NLGN4X: variants seen among roughly 807,000 people sequenced by gnomAD.
NLGN4X encodes neuroligin-4, X-linked.
NLGN4X carries 3 observed loss-of-function variants against 40.3 expected under a neutral mutation model. The ratio of observed to expected loss-of-function variants is 0.07; its 90% CI spans 0.03 to 0.19. The LOEUF is 0.19. Ranked by LOEUF, NLGN4X falls within the 10% of genes least tolerant of loss-of-function variation. The probability of loss-of-function intolerance (pLI) is 1.00; values close to 1 mark genes in which losing one functional copy is unlikely to be tolerated. For missense variants in NLGN4X, 382 were observed against 708.3 expected (o/e 0.54, Z 5.23); for synonymous variants, 270 against 306.8 (o/e 0.88, Z 1.25).
At chrX:5,902,135 G>C (rs2031907002) in intron 5 of NLGN4X, among the ~76,000 whole-genome samples, 4 of 111,297 alleles carry the variant, frequency 3.6e-5, no homozygotes, top group African/African-American at 1.3e-4. Context: ...GCTCACACCT[G>C]TAATCTCAGC....
chrX:6,155,142 T>A (rs1458247475), intron 1 of NLGN4X, among the ~76,000 whole-genome samples: 2 of 109,701 alleles, frequency 1.8e-5, no homozygotes, highest in Non-Finnish European at 3.8e-5. Flanking sequence ...TAGATGCTTT[T>A]AAAAAAAAAT....
chrX:6,103,981 T>C (rs965449304), intron 2 of NLGN4X, among the ~76,000 whole-genome samples: 1 of 111,858 alleles, frequency 8.9e-6, no homozygotes, highest in Non-Finnish European at 1.9e-5. Context: ...GTGTTGCACT[T>C]GTGCGTGAGG....
chrX:6,043,289 TTAAA>T (rs1434653038), intron 2 of NLGN4X, among the ~76,000 whole-genome samples: 8 of 110,059 alleles, frequency 7.3e-5, no homozygotes. Context: ...TGTGACTTTT[TTAAA>T]TAAATAGTCA....
At chrX:5,901,552 C>G (rs1221197943) in intron 5 of NLGN4X, among the ~76,000 whole-genome samples, 1 of 111,231 alleles carries the variant, frequency 9.0e-6, no homozygotes, top group Admixed American at 9.6e-5. Flanking sequence ...AGAATCCGCT[C>G]AGCAGAATAT....
At chrX:6,027,648 A>G (rs1396370507) in intron 3 of NLGN4X, among the ~76,000 whole-genome samples, 1 of 99,599 alleles carries the variant, frequency 1.0e-5, no homozygotes, top group Non-Finnish European at 2.1e-5. Flanking sequence ...ATGTTTTCAC[A>G]TAGGAAAAAA....
intron 3 of NLGN4X, among the ~76,000 whole-genome samples, chrX:6,021,047 T>C (rs1390467053): frequency 1.7e-4 from 4 of 24,173 alleles, no homozygotes; most frequent in Non-Finnish European, 2.5e-4. Flanking sequence ...TCTCTCTCTC[T>C]CCCTCCCTCC....
At chrX:6,151,901 T>C (rs1249091598) in intron 1 of NLGN4X, 130 bp from the exon 2 acceptor site, 1 of 178,876 alleles carries the variant, frequency 5.6e-6, no homozygotes, top group African/African-American at 3.0e-5. Flanking sequence ...GAAATGTGTA[T>C]AGTGCCATCT....
intron 1 of NLGN4X, among the ~76,000 whole-genome samples, chrX:6,164,824 C>G (rs917469812): frequency 4.5e-5 from 5 of 111,752 alleles, no homozygotes; most frequent in Non-Finnish European, 9.4e-5. Context: ...TTGTTTTAGG[C>G]AGACGGCTCT....
rs762478798 is a variant in NLGN4X, at chrX:6,147,655, ATCTC to A, written c.472+3336_472+3339del. On this transcript the variant is annotated intron_variant, in intron 2 of 5. Transcript: ENST00000381095. ...GTCACTCAGTCACACTCTCTCTGCT[ATCTC>A]TCTCTCTCTCTCTCTCTGTCACATA... Among the ~76,000 whole-genome samples, 635 of 97,813 alleles carry A rather than the reference ATCTC, an allele frequency of 6.5e-3. 4 individuals are homozygous for A. Among genetic ancestry groups the A allele is most frequent in the African/African-American group, 0.022 (607 of 27,042 alleles). 84.9% of individuals were successfully genotyped at this position (97,813 alleles called of 115,157 possible).
chrX:5,972,109 A>G (rs1382708709), intron 3 of NLGN4X, among the ~76,000 whole-genome samples: 2 of 108,678 alleles, frequency 1.8e-5, no homozygotes, highest in Non-Finnish European at 3.8e-5. Context: ...AACGTAACAT[A>G]CATACACACA....
intron 5 of NLGN4X, among the ~76,000 whole-genome samples, chrX:5,902,513 T>A (rs2031930073): frequency 2.8e-5 from 3 of 108,874 alleles, no homozygotes; most frequent in Non-Finnish European, 5.7e-5. Context: ...TGAGACCCTC[T>A]TTCTACCAAA....
chrX:6,061,038 G>A (rs2037755194), intron 2 of NLGN4X, among the ~76,000 whole-genome samples: 1 of 111,881 alleles, frequency 8.9e-6, no homozygotes, highest in Non-Finnish European at 1.9e-5. Flanking sequence ...GACTTGCTTT[G>A]GCAGATGAAA....
rs73184632 is a variant in NLGN4X at position 6,070,612 on chromosome X, C to T, written c.473-41180G>A. On this transcript the variant is annotated intron_variant, in intron 2 of 5. Coordinates refer to ENST00000381095, the MANE Select transcript of NLGN4X (RefSeq NM_181332.3). ...TAAAAAATAAACATAAACTAGCTGG[C>T]CGTGATGGCATGTGCCTGTAGTCCT... Among the ~76,000 whole-genome samples, 270 of 111,609 alleles carry T rather than the reference C, an allele frequency of 2.4e-3. 5 individuals are homozygous for T. Among genetic ancestry groups the T allele is most frequent in the Middle Eastern group, 0.014 (3 of 217 alleles).
At chrX:5,973,840 G>C (rs1396086038) in intron 3 of NLGN4X, among the ~76,000 whole-genome samples, 1 of 111,293 alleles carries the variant, frequency 9.0e-6, no homozygotes, top group Non-Finnish European at 1.9e-5. Context: ...AAAAAAAAAG[G>C]TGTGTGAAGG....
intron 3 of NLGN4X, among the ~76,000 whole-genome samples, chrX:6,024,368 T>C (rs778351364): frequency 4.3e-4 from 48 of 111,225 alleles, no homozygotes; most frequent in Non-Finnish European, 5.1e-4. Flanking sequence ...CTGAGAGGCA[T>C]TGGTGAACTT....
intron 2 of NLGN4X, among the ~76,000 whole-genome samples, chrX:6,071,204 T>C (rs910821972): frequency 1.8e-5 from 2 of 111,596 alleles, no homozygotes; most frequent in Non-Finnish European, 3.8e-5. Flanking sequence ...TGAAACAGTG[T>C]GTATTGCGGC....
chrX:6,104,753 T>C (rs2038996653), intron 2 of NLGN4X, among the ~76,000 whole-genome samples: 1 of 111,548 alleles, frequency 9.0e-6, no homozygotes, highest in African/African-American at 3.3e-5. Context: ...GTCCCTGAGA[T>C]GGCAGAAAGA....
chrX:6,119,029 T>C (rs2147567338), intron 2 of NLGN4X, among the ~76,000 whole-genome samples: 1 of 112,303 alleles, frequency 8.9e-6, no homozygotes, highest in South Asian at 3.7e-4. Flanking sequence ...CTATTATTCC[T>C]TATCTACTTT....
At chrX:6,157,778 C>T (rs150026671) in intron 1 of NLGN4X, among the ~76,000 whole-genome samples, 1,420 of 111,291 alleles carry the variant, frequency 0.013, 23 homozygotes, top group African/African-American at 0.043. Context: ...CTCCAAAGGC[C>T]CTACCTCCTA....
Sources: gnomAD v4.1 joint callset for allele counts (sites outside exome capture counted in the v4.1 genomes callset) on GRCh38, gnomAD v4.1.1 for gene constraint, MANE v1.5 for transcripts, NCBI Gene and HGNC (gene_info 2026-07-23, HGNC 2026-07-21) for gene names.